KCNC1: variants seen among roughly 807,000 people sequenced by gnomAD.
KCNC1 encodes the protein potassium voltage-gated channel subfamily C member 1.
A neutral mutation model predicts 43.4 loss-of-function variants in KCNC1; 8 were observed. That is an observed-to-expected ratio of 0.18 (90% CI 0.11 to 0.33). KCNC1 has a LOEUF of 0.33. Among genes scored for constraint, KCNC1 ranks in the 10% least tolerant of loss-of-function variants. The pLI is 1.00. For synonymous variants in KCNC1, 361 were observed against 360.5 expected (o/e 1.00, Z -0.01); for missense variants, 420 against 836.0 (o/e 0.50, Z 6.14).
In KCNC1 at chr11:17,781,567, C is replaced by T. The variant is rs575587482; in HGVS notation, c.1694-103C>T. ...AGAAGAATCTGCCTGCCTCTGCATG[C>T]GGCTGTTCTGTCTTTCCTCCTCCTT... On this transcript the variant is annotated intron_variant, in intron 3 of 3. Coordinates refer to ENST00000265969, the MANE Select transcript of KCNC1 (RefSeq NM_001112741.2). The surrounding 1 kb of genome is among the most constrained non-coding windows in gnomAD (Gnocchi z 5.1). 4.6e-5 allele frequency: 37 copies of T among 810,184 alleles called. No individual in the cohort carries two copies. The Middle Eastern group carries it at 9.0e-4, about 20-fold the overall frequency. The allele number at this position is 810,184 out of a possible 1,614,324, so 50.2% of individuals were successfully genotyped here.
chr11:17,737,493 G>T (rs916840485), intron 1 of KCNC1, among the ~76,000 whole-genome samples: 1 of 152,114 alleles, frequency 6.6e-6, no homozygotes, highest in Non-Finnish European at 1.5e-5. Context: ...GCTGACCTTG[G>T]TCCCTCAGAT....
At chr11:17,766,483 C>T (rs12363687) in intron 1 of KCNC1, among the ~76,000 whole-genome samples, 6 of 152,100 alleles carry the variant, frequency 3.9e-5, no homozygotes, top group Admixed American at 6.5e-5. Flanking sequence ...CCTACAGCCC[C>T]GGGGATGACA....
chr11:17,741,133 A>G (rs1362683338), intron 1 of KCNC1, among the ~76,000 whole-genome samples: 5 of 151,758 alleles, frequency 3.3e-5, no homozygotes, highest in African/African-American at 1.2e-4. Flanking sequence ...CAGCCACCCC[A>G]AGGGCCTTCC....
chr11:17,751,448 G>C (rs532821979), intron 1 of KCNC1, among the ~76,000 whole-genome samples: 65 of 152,322 alleles, frequency 4.3e-4, no homozygotes, highest in South Asian at 6.2e-4. Flanking sequence ...TTCTCCTTGC[G>C]TGCCTTCAAA....
At chr11:17,737,201 G>A (rs1330960470) in intron 1 of KCNC1, among the ~76,000 whole-genome samples, 1 of 151,484 alleles carries the variant, frequency 6.6e-6, no homozygotes, top group Non-Finnish European at 1.5e-5. Context: ...GGAAGTTGGT[G>A]GAGGGCTGGG....
chr11:17,763,691 TACAC>T (rs1402092374), intron 1 of KCNC1, among the ~76,000 whole-genome samples: 9 of 44,564 alleles, frequency 2.0e-4, no homozygotes, highest in African/African-American at 6.3e-4. Context: ...CATGCACAAA[TACAC>T]ACCCTCACCC....
intron 1 of KCNC1, among the ~76,000 whole-genome samples, chr11:17,764,702 C>A (rs1457085321): frequency 3.3e-5 from 5 of 152,190 alleles, no homozygotes; most frequent in Admixed American, 6.5e-5. Context: ...GGGGGCCAGG[C>A]CTCCTTTGCC....
intron 1 of KCNC1, among the ~76,000 whole-genome samples, chr11:17,759,795 T>A (rs1406471993): frequency 5.3e-5 from 8 of 152,216 alleles, no homozygotes; most frequent in East Asian, 1.9e-4. Context: ...AGATCAATGA[T>A]CACAGGTCAC....
In KCNC1 at chr11:17,736,474, A is replaced by G; in HGVS notation, c.472A>G (p.Ser158Gly). The G allele has an allele frequency of 6.3e-7, 1 of 1,599,888 alleles. No homozygotes were observed. Among genetic ancestry groups the G allele is most frequent in the Admixed American group, 1.7e-5 (1 of 59,246 alleles). The change falls in exon 1 of 4, where the codon AGT becomes GGT. Residue 158 changes from serine to glycine, a missense_variant. Transcript: ENST00000265969. This position sits in a 1 kb window ranked among gnomAD's most constrained non-coding sequence, Gnocchi z 9.3. Reference protein sequence around the residue: ...ELEMTKRLALSDSPDGRPGGF... With the variant: ...ELEMTKRLALGDSPDGRPGGF... The stretch of plus-strand genomic sequence containing the variant: ...GGAGATGACCAAGCGCCTGGCGCTC[A>G]GTGACTCCCCGGATGGCCGGCCTGG...
At chr11:17,745,288 C>T (rs1848886190) in intron 1 of KCNC1, among the ~76,000 whole-genome samples, 1 of 152,086 alleles carries the variant, frequency 6.6e-6, no homozygotes, top group Non-Finnish European at 1.5e-5. Flanking sequence ...GGGGTGAGGC[C>T]CCATCACAGC....
rs1036948326 is a variant in KCNC1 at position 17,773,219 on chromosome 11, G to A, written c.1504+621G>A. The A allele has an allele frequency of 1.5e-5, 15 of 985,884 alleles. No individual in the cohort carries two copies. The highest frequency in any genetic ancestry group is 4.7e-5 in the South Asian group (1 of 21,290). 61.1% of individuals were successfully genotyped at this position (985,884 alleles called of 1,614,324 possible). On this transcript the variant is annotated intron_variant, in intron 2 of 3. Transcript: ENST00000265969. This position sits in a 1 kb window ranked among gnomAD's most constrained non-coding sequence, Gnocchi z 4.1. Reference sequence around the variant, plus strand: ...TCCCAGGAGACGCCTGTAGCCCTCCGTGACAAGCTTACTTACCCCATAGCA... The same window carrying A: ...TCCCAGGAGACGCCTGTAGCCCTCCATGACAAGCTTACTTACCCCATAGCA...
intron 1 of KCNC1, among the ~76,000 whole-genome samples, chr11:17,766,994 C>T (rs1049353031): frequency 3.4e-5 from 5 of 144,996 alleles, no homozygotes; most frequent in South Asian, 2.2e-4. Context: ...ATTAGCCGGG[C>T]GTGGTGGTGG....
chr11:17,745,789 C>A (rs1425672920), intron 1 of KCNC1, among the ~76,000 whole-genome samples: 1 of 152,214 alleles, frequency 6.6e-6, no homozygotes, highest in East Asian at 1.9e-4. Flanking sequence ...AGCTCTCACA[C>A]CCCCTCCAGG....
chr11:17,760,423 C>T (rs1554990040), intron 1 of KCNC1, among the ~76,000 whole-genome samples: 1 of 152,114 alleles, frequency 6.6e-6, no homozygotes, highest in Non-Finnish European at 1.5e-5. Context: ...GAGAGGAGAC[C>T]CCCGTTAGCC....
At position 17,771,446 on chromosome 11, in the gene KCNC1, G is replaced by T. The variant is rs1028736824; in HGVS notation, c.571-219G>T. Among the ~76,000 whole-genome samples, 1 of 152,198 alleles carries T rather than the reference G, an allele frequency of 6.6e-6. No homozygotes were observed. Among genetic ancestry groups the T allele is most frequent in the African/African-American group, 2.4e-5 (1 of 41,448 alleles). ...GGCTTCCACATCTAGCTGGCAATAG[G>T]GGGAAGAAGACAGCATGGAAGGCGG... On this transcript the variant is annotated intron_variant, in intron 1 of 3. Coordinates refer to ENST00000265969, the MANE Select transcript of KCNC1 (RefSeq NM_001112741.2). This position sits in a 1 kb window ranked among gnomAD's most constrained non-coding sequence, Gnocchi z 4.7.
At chr11:17,751,673 G>C (rs144803229) in intron 1 of KCNC1, among the ~76,000 whole-genome samples, 134 of 152,338 alleles carry the variant, frequency 8.8e-4, no homozygotes, top group Non-Finnish European at 1.6e-3. Flanking sequence ...AAAGGTGAGA[G>C]TCCCTGATGG....
rs770921579 is a variant in KCNC1, at chr11:17,736,977, T to A, written c.570+405T>A. ...TCTTTGCAGAGGTGCACTGTCAAAG[T>A]ATGGACTGCTCTCGAGATTTCAGTG... On this transcript the variant is annotated intron_variant, in intron 1 of 3. Transcript: ENST00000265969. This position sits in a 1 kb window ranked among gnomAD's most constrained non-coding sequence, Gnocchi z 9.3. Among the ~76,000 whole-genome samples, 1 of 152,160 alleles carries A rather than the reference T, an allele frequency of 6.6e-6. No homozygotes were observed. The highest frequency in any genetic ancestry group is 1.5e-5 in the Non-Finnish European group (1 of 68,040).
intron 1 of KCNC1, among the ~76,000 whole-genome samples, chr11:17,757,430 T>C (rs546164856): frequency 6.6e-6 from 1 of 152,306 alleles, no homozygotes; most frequent in Non-Finnish European, 1.5e-5. Context: ...GACCTGTGAT[T>C]GCTGGGAAAA....
At position 17,779,410 on chromosome 11, in the gene KCNC1, T is replaced by C. The variant is rs1849321641; in HGVS notation, c.1505-46T>C. 7.3e-7 allele frequency: 1 copy of C among 1,365,664 alleles called. No homozygotes were observed. The highest frequency in any genetic ancestry group is 2.9e-5 in the East Asian group (1 of 34,500). The allele number at this position is 1,365,664 out of a possible 1,614,324, so 84.6% of individuals were successfully genotyped here. On this transcript the variant is annotated intron_variant, in intron 2 of 3. Transcript: ENST00000265969. This position sits in a 1 kb window ranked among gnomAD's most constrained non-coding sequence, Gnocchi z 7.2. ...TGGCCTGTCCCCCCCTGCCCCCCAC[T>C]AAACAGTTTTCAGTGTCTCAATAGC...
Sources: allele counts gnomAD v4.1 joint callset (sites outside exome capture counted in the v4.1 genomes callset), GRCh38; gene constraint gnomAD v4.1.1; non-coding constraint Gnocchi (gnomAD v3.1); transcripts MANE v1.5; gene names NCBI Gene and HGNC (gene_info 2026-07-23, HGNC 2026-07-21).